The following OR5B3 variants were observed in gnomAD, a reference collection of about 807,000 sequenced individuals.
OR5B3 encodes olfactory receptor family 5 subfamily B member 3.
For missense variants in OR5B3, 430 were observed against 375.4 expected (o/e 1.15, Z -1.20); for synonymous variants, 150 against 135.0 (o/e 1.11, Z -0.77).
chr11:58,403,563 C>G, intron 1 of OR5B3, 128 bp from the exon 2 acceptor site: 1 of 516,180 alleles, frequency 1.9e-6, no homozygotes, highest in Non-Finnish European at 3.4e-6. Flanking sequence ...AAAAGCGCGG[C>G]CTTGACAACC....
chr11:58,404,602 A>G (rs945214305), intron 1 of OR5B3, among the ~76,000 whole-genome samples: 18 of 151,896 alleles, frequency 1.2e-4, no homozygotes, highest in Admixed American at 5.3e-4. Context: ...TCTTCCTCCA[A>G]GCAAATGATT....
Position 58,403,041 on chromosome 11 carries a change from T to C in OR5B3, c.369A>G (p.Ala123=), listed in dbSNP as rs1183662698. 6.2e-7 allele frequency: 1 copy of C among 1,614,004 alleles called. No individual in the cohort carries two copies. Among genetic ancestry groups the C allele is most frequent in the Non-Finnish European group, 8.5e-7 (1 of 1,179,990 alleles). The change falls in exon 2 of 2, where the codon GCA becomes GCG. Residue 123 remains alanine, a synonymous_variant. Coordinates refer to ENST00000641865, the MANE Select transcript of OR5B3 (RefSeq NM_001005469.2). ...LASMAYDRYA[A]VCKPLHYTTT... is the part of the protein sequence containing the mutation. ...TGGTGTAATGTAGGGGTTTGCACAC[T>C]GCTGCATAGCGGTCATAGGCCATTG...
At chr11:58,406,182 T>A (rs1351014482) in intron 1 of OR5B3, among the ~76,000 whole-genome samples, 1 of 142,344 alleles carries the variant, frequency 7.0e-6, no homozygotes, top group Non-Finnish European at 1.6e-5. Context: ...TGCGCATGTG[T>A]GTGTGTGAGA....
In OR5B3 at chr11:58,402,973, G is replaced by C; in HGVS notation, c.437C>G (p.Ser146Cys). The change falls in exon 2 of 2, where the codon TCC (serine) becomes TGC (cysteine). Residue 146 changes from serine to cysteine, a missense_variant. Physicochemically the swap from Ser to Cys is moderately radical, Grantham distance 112. Coordinates refer to ENST00000641865, the MANE Select transcript of OR5B3 (RefSeq NM_001005469.2). ...GGCATTCAGGAAACCACAGAGGTAG[G>C]AGCCTATGGCCAGACGAGCACACAC... Reference protein sequence around the residue: ...TTVCARLAIGSYLCGFLNASI... With the variant: ...TTVCARLAIGCYLCGFLNASI... The C allele has an allele frequency of 6.2e-7, 1 of 1,614,092 alleles. No homozygotes were observed. The highest frequency in any genetic ancestry group is 8.5e-7 in the Non-Finnish European group (1 of 1,179,970).
At position 58,402,566 on chromosome 11, in the gene OR5B3, T is replaced by C. The variant is rs749639742; in HGVS notation, c.844A>G (p.Met282Val). ...AGACTATAGACCAGAGGGTTCAGCA[T>C]GGGGATGACCATTGTATAGAACACA... The part of the protein sequence containing the change: ...APVFYTMVIP[M>V]LNPLVYSLRN... Residue 282 changes from methionine (M) to valine (V), a missense_variant, in exon 2 of 2, where the codon ATG becomes GTG. Met to Val is a conservative substitution (Grantham distance 21, BLOSUM62 1). Coordinates refer to ENST00000641865, the MANE Select transcript of OR5B3 (RefSeq NM_001005469.2). The C allele has an allele frequency of 6.2e-6, 10 of 1,613,292 alleles. No individual in the cohort carries two copies. The highest frequency in any genetic ancestry group is 7.6e-6 in the Non-Finnish European group (9 of 1,179,414).
At chr11:58,404,996 CA>C in intron 1 of OR5B3, among the ~76,000 whole-genome samples, 1 of 152,280 alleles carries the variant, frequency 6.6e-6, no homozygotes, top group East Asian at 1.9e-4. Flanking sequence ...TGGATCCTGT[CA>C]CCCTGGTAGT....
chr11:58,403,277 C>G lies in OR5B3; in HGVS notation c.133G>C (p.Val45Leu). The G allele has an allele frequency of 6.2e-7, 1 of 1,613,422 alleles. No individual in the cohort carries two copies. Among genetic ancestry groups the G allele is most frequent in the South Asian group, 1.1e-5 (1 of 91,076 alleles). ...ITLVGNLGII[V>L]LIFWDSCLHN... The stretch of plus-strand genomic sequence containing the variant: ...AGACAGGAATCCCAGAATATCAATA[C>G]AATAATTCCCAGGTTTCCAACCAGA... Residue 45 changes from valine (V) to leucine (L), a missense_variant, in exon 2 of 2, where the codon GTA becomes CTA. Physicochemically the swap from Val to Leu is conservative, Grantham distance 32. Transcript: ENST00000641865.
chr11:58,402,672 G>T lies in OR5B3; in HGVS notation c.738C>A (p.Val246=), dbSNP rs78975225. ...AGATAATAGTCCCATAGAAGATGCC[G>T]ACTGCAATGAAATGAGAGGCACAGG... is the stretch of plus-strand genomic sequence containing the variant. ...LSTCASHFIA[V]GIFYGTIIFM... The change falls in exon 2 of 2, where the codon GTC becomes GTA. Residue 246 remains valine, a synonymous_variant. Transcript: ENST00000641865. 1.2e-5 allele frequency: 20 copies of T among 1,613,880 alleles called. No individual in the cohort carries two copies. The highest frequency in any genetic ancestry group is 1.7e-5 in the Non-Finnish European group (20 of 1,179,888).
Position 58,402,979 on chromosome 11 carries a change from ATGGC to A in OR5B3, c.427_430del (p.Ala143Ter). On this transcript the variant is annotated frameshift_variant, in exon 2 of 2. Transcript: ENST00000641865. LOFTEE classifies it low-confidence loss of function (END_TRUNC). Reference sequence around the variant, plus strand: ...CAGGAAACCACAGAGGTAGGAGCCTATGGCCAGACGAGCACACACAGTTGTTGTC... The same window carrying A: ...CAGGAAACCACAGAGGTAGGAGCCTACAGACGAGCACACACAGTTGTTGTC... 1.9e-6 allele frequency: 3 copies of A among 1,614,076 alleles called. No homozygotes were observed. The highest frequency in any genetic ancestry group is 2.5e-6 in the Non-Finnish European group (3 of 1,179,966).
chr11:58,406,396 T>C (rs537294585), intron 1 of OR5B3, among the ~76,000 whole-genome samples: 2 of 152,184 alleles, frequency 1.3e-5, no homozygotes, highest in Admixed American at 6.5e-5. Flanking sequence ...AGTAATGAGA[T>C]TATAAAAAAA....
chr11:58,402,901 T>C lies in OR5B3; in HGVS notation c.509A>G (p.Asn170Ser), dbSNP rs12280114. 560,333 of 1,610,668 alleles carry C rather than the reference T, an allele frequency of 0.35. 100,152 individuals are homozygous for C. The highest frequency in any genetic ancestry group is 0.37 in the Non-Finnish European group (434,088 of 1,177,036). ...DTFSLSFCKS[N>S]EVHHFFCDIP... ...ATCACAGAAAAAGTGATGGACTTCA[T>C]TGGACTTACAGAAAGAGAGACTAAA... is the stretch of plus-strand genomic sequence containing the variant. Residue 170 changes from asparagine to serine, a missense_variant, in exon 2 of 2, where the codon AAT becomes AGT. By Grantham distance (46) the Asn-to-Ser change is conservative. Coordinates refer to ENST00000641865, the MANE Select transcript of OR5B3 (RefSeq NM_001005469.2).
chr11:58,406,663 G>A (rs1192399688), intron 1 of OR5B3, 138 bp downstream of exon 1: 1 of 152,030 alleles, frequency 6.6e-6, no homozygotes, highest in Non-Finnish European at 1.5e-5. Context: ...TATGCCCTAT[G>A]CCCACCTCAG....
At chr11:58,403,558 C>T (rs538063994) in intron 1 of OR5B3, 123 bp from the exon 2 acceptor site, 21 of 524,076 alleles carry the variant, frequency 4.0e-5, no homozygotes, top group African/African-American at 9.4e-5. Flanking sequence ...CTAGAAAAAG[C>T]GCGGCCTTGA....
In OR5B3 at chr11:58,402,709, T is replaced by A. The variant is rs1338783326; in HGVS notation, c.701A>T (p.Lys234Met). ...LKMHSASVYQ[K>M]PLSTCASHFI... is the part of the protein sequence containing the mutation. Reference sequence around the variant, plus strand: ...ATGAGAGGCACAGGTGGACAAAGGCTTCTGGTATACTGAAGCTGAGTGCAT... The same window carrying A: ...ATGAGAGGCACAGGTGGACAAAGGCATCTGGTATACTGAAGCTGAGTGCAT... Residue 234 changes from lysine to methionine, a missense_variant, in exon 2 of 2, where the codon AAG becomes ATG. Coordinates refer to ENST00000641865, the MANE Select transcript of OR5B3 (RefSeq NM_001005469.2). The A allele has an allele frequency of 1.2e-6, 2 of 1,613,908 alleles. No homozygotes were observed. The highest frequency in any genetic ancestry group is 1.3e-5 in the African/African-American group (1 of 75,022).
At chr11:58,406,288 G>A (rs1056629638) in intron 1 of OR5B3, among the ~76,000 whole-genome samples, 1 of 152,132 alleles carries the variant, frequency 6.6e-6, no homozygotes, top group African/African-American at 2.4e-5. Context: ...TATATGACTA[G>A]TTTGAGAGTC....
At chr11:58,405,316 T>C (rs571840268) in intron 1 of OR5B3, among the ~76,000 whole-genome samples, 1 of 152,294 alleles carries the variant, frequency 6.6e-6, no homozygotes, top group East Asian at 1.9e-4. Flanking sequence ...ATAAGTCATT[T>C]TACTAAAAAG....
chr11:58,402,841 C>G lies in OR5B3; in HGVS notation c.569G>C (p.Arg190Thr). 6.2e-7 allele frequency: 1 copy of G among 1,613,908 alleles called. No individual in the cohort carries two copies. Among genetic ancestry groups the G allele is most frequent in the African/African-American group, 1.3e-5 (1 of 75,026 alleles). ...PAVMVLSCSD[R>T]HISELVLIYV... is the part of the protein sequence containing the mutation. ...AATAAGAACAAGCTCGCTAATATGT[C>G]TATCAGAGCAAGAGAGAACCATGAC... Residue 190 changes from arginine (R) to threonine (T), a missense_variant, in exon 2 of 2, where the codon AGA (arginine) becomes ACA (threonine). Transcript: ENST00000641865.
chr11:58,405,399 A>G (rs1345068771), intron 1 of OR5B3, among the ~76,000 whole-genome samples: 1 of 152,224 alleles, frequency 6.6e-6, no homozygotes. Context: ...CATATACACC[A>G]TGGAATACTA....
At chr11:58,405,414 G>A (rs1026321665) in intron 1 of OR5B3, among the ~76,000 whole-genome samples, 7 of 152,144 alleles carry the variant, frequency 4.6e-5, no homozygotes, top group African/African-American at 1.7e-4. Flanking sequence ...ATACTATGCA[G>A]CCATAAAAAA....
Sources: allele counts gnomAD v4.1 joint callset (sites outside exome capture counted in the v4.1 genomes callset), GRCh38; gene constraint gnomAD v4.1.1; transcripts MANE v1.5; gene names NCBI Gene and HGNC (gene_info 2026-07-23, HGNC 2026-07-21).